FAM135B: variants seen among roughly 807,000 people sequenced by gnomAD.
The protein encoded by FAM135B is family with sequence similarity 135 member B.
A neutral mutation model predicts 127.7 loss-of-function variants in FAM135B; 43 were observed. The ratio of observed to expected loss-of-function variants is 0.34; its 90% CI spans 0.26 to 0.43. FAM135B has a LOEUF of 0.43. Ranked by LOEUF, FAM135B falls within the 20% of genes least tolerant of loss-of-function variation. FAM135B has a pLI of 1.00. For missense variants in FAM135B, 1,558 were observed against 1,725.6 expected (o/e 0.90, Z 1.72); for synonymous variants, 670 against 665.1 (o/e 1.01, Z -0.11).
In FAM135B at chr8:138,197,552, T is replaced by A. The variant is rs1377123920; in HGVS notation, c.787A>T (p.Met263Leu). Residue 263 changes from methionine to leucine, a missense_variant, in exon 8 of 20, where the codon ATG (methionine) becomes TTG (leucine). Transcript: ENST00000395297. ...TGTGGCAGCTCTGGGATGTCCCGCA[T>A]GATCACCAGGAAGTGGAGACGGAGA... is the stretch of plus-strand genomic sequence containing the variant. ...RGLRLHFLVI[M>L]RDIPELPHTE... The A allele has an allele frequency of 6.2e-7, 1 of 1,614,088 alleles. No individual in the cohort carries two copies. Among genetic ancestry groups the A allele is most frequent in the East Asian group, 2.2e-5 (1 of 44,848 alleles).
chr8:138,464,570 T>C (rs1014551896), intron 1 of FAM135B, among the ~76,000 whole-genome samples: 2 of 152,022 alleles, frequency 1.3e-5, no homozygotes, highest in South Asian at 2.1e-4. Context: ...CTGGACAAAG[T>C]GTATATTCTA....
chr8:138,428,054 C>T (rs1301009072), intron 1 of FAM135B, among the ~76,000 whole-genome samples: 1 of 152,158 alleles, frequency 6.6e-6, no homozygotes, highest in Non-Finnish European at 1.5e-5. Flanking sequence ...TCATAATAGG[C>T]TTCCATTAGT....
chr8:138,306,593 T>G (rs1826280455), intron 3 of FAM135B, among the ~76,000 whole-genome samples: 1 of 150,736 alleles, frequency 6.6e-6, no homozygotes, highest in Non-Finnish European at 1.5e-5. Context: ...TCTTTTTTTT[T>G]TTTTTTTGAG....
chr8:138,496,081 G>A (rs7829472), intron 1 of FAM135B, among the ~76,000 whole-genome samples: 44,369 of 152,030 alleles, frequency 0.29, 10,734 homozygotes, highest in African/African-American at 0.67. Flanking sequence ...GCAATAACAT[G>A]ATACTCCTGT....
intron 8 of FAM135B, among the ~76,000 whole-genome samples, chr8:138,195,981 T>C (rs1816594224): frequency 6.6e-6 from 1 of 152,174 alleles, no homozygotes; most frequent in Non-Finnish European, 1.5e-5. Flanking sequence ...CAGCTTACGG[T>C]CCTTGCTGAT....
At chr8:138,409,753 T>C (rs992351439) in intron 1 of FAM135B, among the ~76,000 whole-genome samples, 6 of 151,834 alleles carry the variant, frequency 4.0e-5, no homozygotes, top group African/African-American at 1.5e-4. Flanking sequence ...TGGGCGCTTG[T>C]AGTCCCAGCT....
chr8:138,437,881 C>A (rs551340156), intron 1 of FAM135B: 1 of 152,098 alleles, frequency 6.6e-6, no homozygotes, highest in Non-Finnish European at 1.5e-5. Flanking sequence ...ATTAAGAATA[C>A]CAGAATTCAG....
intron 7 of FAM135B, among the ~76,000 whole-genome samples, chr8:138,204,152 C>G (rs1817375600): frequency 6.6e-6 from 1 of 152,202 alleles, no homozygotes; most frequent in Non-Finnish European, 1.5e-5. Flanking sequence ...GGACTGCTGC[C>G]TTAATGCATC....
chr8:138,314,693 C>CAATAAATAAATAAATAAATA (rs1402271667), intron 2 of FAM135B, among the ~76,000 whole-genome samples: 20,954 of 120,056 alleles, frequency 0.17, 2,456 homozygotes, highest in African/African-American at 0.29. Flanking sequence ...CCCATCCCTA[C>CAATAAATAAATAAATAAATA]AATAAATAAA....
chr8:138,419,102 C>T (rs1463102075), intron 1 of FAM135B, among the ~76,000 whole-genome samples: 1 of 152,112 alleles, frequency 6.6e-6, no homozygotes, highest in Non-Finnish European at 1.5e-5. Context: ...ATGCTGTCTT[C>T]AAGAGACCCA....
intron 2 of FAM135B, 124 bp from the exon 3 acceptor site, chr8:138,311,044 T>C: frequency 1.5e-6 from 1 of 665,612 alleles, no homozygotes; most frequent in Admixed American, 2.9e-5. Context: ...GCATGCACAA[T>C]CATCTGGCAT....
intron 2 of FAM135B, among the ~76,000 whole-genome samples, chr8:138,337,065 T>G (rs1354373743): frequency 6.6e-6 from 1 of 152,168 alleles, no homozygotes; most frequent in Non-Finnish European, 1.5e-5. Context: ...CAACCCTTCA[T>G]GCTAAAAACT....
intron 1 of FAM135B, 49 bp from the exon 2 acceptor site, chr8:138,368,051 A>G (rs1201361019): frequency 3.0e-6 from 4 of 1,353,018 alleles, no homozygotes; most frequent in South Asian, 1.2e-5. Flanking sequence ...TCAGCCACTC[A>G]GAAAGAACCT....
chr8:138,349,824 C>T (rs1476186311), intron 2 of FAM135B, among the ~76,000 whole-genome samples: 2 of 152,146 alleles, frequency 1.3e-5, no homozygotes, highest in Non-Finnish European at 1.5e-5. Context: ...TCCATAAGTT[C>T]TGCAGTGAGC....
chr8:138,355,035 G>A (rs960388487), intron 2 of FAM135B, among the ~76,000 whole-genome samples: 18 of 151,906 alleles, frequency 1.2e-4, no homozygotes, highest in Non-Finnish European at 1.9e-4. Flanking sequence ...AGCAGGCCCC[G>A]GTGTGTGATG....
rs1206132949 is a variant in FAM135B at position 138,159,073 on chromosome 8, C to A, written c.1259-5857G>T. Among the ~76,000 whole-genome samples, 5 of 149,696 alleles carry A rather than the reference C, an allele frequency of 3.3e-5. No individual in the cohort carries two copies. In the East Asian group the frequency reaches 6.0e-4, roughly 18 times the overall value. ...GGATCATGAGGTCAGGAGATCGAGA[C>A]CATCCTGGCTAACAAGGTGAAACCC... On this transcript the variant is annotated intron_variant, in intron 12 of 19. Coordinates refer to ENST00000395297, the MANE Select transcript of FAM135B (RefSeq NM_015912.4).
intron 8 of FAM135B, among the ~76,000 whole-genome samples, chr8:138,196,642 T>G (rs1816656291): frequency 6.6e-6 from 1 of 152,226 alleles, no homozygotes; most frequent in Admixed American, 6.5e-5. Flanking sequence ...GGGGTACATA[T>G]AGGGAAGTCA....
rs2131135964 is a variant in FAM135B, at chr8:138,197,519, G to C, written c.820C>G (p.Leu274Val). Residue 274 changes from leucine to valine, a missense_variant, in exon 8 of 20, where the codon CTG becomes GTG. Coordinates refer to ENST00000395297, the MANE Select transcript of FAM135B (RefSeq NM_015912.4). ...TGCCCCTGTCCTGGGCCCTTACCCA[G>C]CTCCGTGTGTGGCAGCTCTGGGATG... ...RDIPELPHTE[L>V]EALAVEETLS... 6.2e-7 allele frequency: 1 copy of C among 1,613,990 alleles called. No homozygotes were observed. The highest frequency in any genetic ancestry group is 8.5e-7 in the Non-Finnish European group (1 of 1,179,872).
At chr8:138,480,499 T>C (rs1208599905) in intron 1 of FAM135B, among the ~76,000 whole-genome samples, 1 of 152,176 alleles carries the variant, frequency 6.6e-6, no homozygotes, top group Non-Finnish European at 1.5e-5. Flanking sequence ...TGAAATAGGC[T>C]CAATATTCAA....
Sources: allele counts gnomAD v4.1 joint callset (sites outside exome capture counted in the v4.1 genomes callset), GRCh38; gene constraint gnomAD v4.1.1; transcripts MANE v1.5; gene names NCBI Gene and HGNC (gene_info 2026-07-23, HGNC 2026-07-21).